The following CCDC171 variants were observed in gnomAD, a reference collection of about 807,000 sequenced individuals.
The protein encoded by CCDC171 is coiled-coil domain-containing protein 171.
In CCDC171, 177 loss-of-function variants were observed where a neutral mutation model predicts 168.2. The ratio of observed to expected loss-of-function variants is 1.05; its 90% CI spans 0.93 to 1.19. CCDC171 has a LOEUF of 1.19. Among genes scored for constraint, CCDC171 ranks in the 50% most tolerant of loss-of-function variants. The pLI is 0.00. For missense variants in CCDC171, 1,991 were observed against 1,539.0 expected (o/e 1.29, Z -4.91); for synonymous variants, 687 against 540.8 (o/e 1.27, Z -3.75).
intron 11 of CCDC171, among the ~76,000 whole-genome samples, chr9:15,711,323 T>C (rs982431501): frequency 2.0e-4 from 31 of 152,212 alleles, no homozygotes; most frequent in African/African-American, 6.3e-4. Context: ...AAATTCTTCA[T>C]CTTGTACACT....
At chr9:16,102,508 G>A in the CCDC171 span, among the ~76,000 whole-genome samples, 1 of 135,128 alleles carries the variant, frequency 7.4e-6, no homozygotes, top group Non-Finnish European at 1.6e-5. Flanking sequence ...CGGGGGTGGG[G>A]GCAGGGGGGA....
At position 15,762,857 on chromosome 9, in the gene CCDC171, C is replaced by G. The variant is rs934635324; in HGVS notation, c.2672-14743C>G. ...CTCTGTCCCTTTAGTTTTTTCTGTTCAAGAATTTCATAAATTTTATAAAAA... is the reference window on the plus strand; with the variant it reads ...CTCTGTCCCTTTAGTTTTTTCTGTTGAAGAATTTCATAAATTTTATAAAAA... On this transcript the variant is annotated intron_variant, in intron 18 of 25. Transcript: ENST00000380701. Among the ~76,000 whole-genome samples the G allele has an allele frequency of 3.9e-5, 6 of 152,202 alleles. No homozygotes were observed. The East Asian group carries it at 9.6e-4, about 24-fold the overall frequency.
At chr9:15,906,963 C>G (rs995572624) in intron 24 of CCDC171, among the ~76,000 whole-genome samples, 3 of 151,846 alleles carry the variant, frequency 2.0e-5, no homozygotes, top group African/African-American at 4.8e-5. Flanking sequence ...TGTGAAGGAC[C>G]TCTTCAAGGA....
chr9:15,667,584 T>G (rs1420259963), intron 9 of CCDC171, among the ~76,000 whole-genome samples: 3 of 152,056 alleles, frequency 2.0e-5, no homozygotes, highest in Non-Finnish European at 4.4e-5. Context: ...AGGCAGAGGT[T>G]GCAGTGAGCT....
intron 7 of CCDC171, among the ~76,000 whole-genome samples, chr9:15,639,142 C>A (rs1406913344): frequency 6.6e-6 from 1 of 151,994 alleles, no homozygotes. Context: ...TTTTACCTTT[C>A]ATAATTGTTG....
chr9:15,778,425 G>C (rs1309629247), intron 19 of CCDC171, among the ~76,000 whole-genome samples: 1 of 148,576 alleles, frequency 6.7e-6, no homozygotes, highest in Non-Finnish European at 1.5e-5. Context: ...GATCACCTGA[G>C]GTCAGGAGTT....
chr9:15,923,332 C>T (rs376825623), intron 25 of CCDC171, among the ~76,000 whole-genome samples: 140 of 151,184 alleles, frequency 9.3e-4, no homozygotes, highest in Non-Finnish European at 1.4e-3. Context: ...TAAAAAAGAA[C>T]GAAATCTTGT....
At chr9:15,856,702 C>T (rs1414453221) in intron 23 of CCDC171, among the ~76,000 whole-genome samples, 1 of 151,852 alleles carries the variant, frequency 6.6e-6, no homozygotes, top group Non-Finnish European at 1.5e-5. Context: ...TCTTATTGCC[C>T]TTCTTTTAGA....
chr9:15,580,993 C>G (rs1261556849), intron 4 of CCDC171, among the ~76,000 whole-genome samples: 2 of 152,192 alleles, frequency 1.3e-5, no homozygotes, highest in Non-Finnish European at 2.9e-5. Flanking sequence ...GTCACATTGT[C>G]TCTGTTTGCA....
chr9:15,585,607 A>G (rs1004751933), intron 4 of CCDC171, among the ~76,000 whole-genome samples: 3 of 152,210 alleles, frequency 2.0e-5, no homozygotes, highest in African/African-American at 7.2e-5. Context: ...TTTGACTGGG[A>G]AAGAGTATGA....
At chr9:16,080,761 T>TGTG in the CCDC171 span, among the ~76,000 whole-genome samples, 1 of 152,190 alleles carries the variant, frequency 6.6e-6, no homozygotes, top group African/African-American at 2.4e-5. Flanking sequence ...GTAGAAATAC[T>TGTG]GTGTCCCAAA....
chr9:15,907,790 A>G (rs541345185), intron 24 of CCDC171, among the ~76,000 whole-genome samples: 3 of 152,364 alleles, frequency 2.0e-5, no homozygotes, highest in South Asian at 2.1e-4. Context: ...AGAATCTACC[A>G]TGAACTCCAA....
chr9:15,744,847 A>G (rs1313811061), intron 17 of CCDC171, 70 bp downstream of exon 17: 6 of 1,436,710 alleles, frequency 4.2e-6, no homozygotes, highest in Non-Finnish European at 5.6e-6. Flanking sequence ...ATACCTGGCT[A>G]TTATGGAAAA....
At chr9:16,045,282 C>T (rs903989253) in intron 1 of CCDC171, among the ~76,000 whole-genome samples, 10 of 152,126 alleles carry the variant, frequency 6.6e-5, no homozygotes, top group African/African-American at 2.4e-4. Flanking sequence ...AGGAGGCCAC[C>T]AAAGGGAACC....
chr9:15,942,767 A>G (rs2987070), intron 25 of CCDC171, among the ~76,000 whole-genome samples: 66,363 of 151,710 alleles, frequency 0.44, 14,984 homozygotes, highest in African/African-American at 0.52. Context: ...CCATATCCTT[A>G]AGAAGAAAAT....
chr9:15,854,303 C>T (rs554484497), intron 23 of CCDC171, among the ~76,000 whole-genome samples: 1 of 151,170 alleles, frequency 6.6e-6, no homozygotes, highest in East Asian at 1.9e-4. Context: ...TTTTGTGTTT[C>T]TTTTTCAGTC....
the CCDC171 span, among the ~76,000 whole-genome samples, chr9:16,068,443 C>G: frequency 5.3e-5 from 8 of 152,204 alleles, no homozygotes. Context: ...TCTTCTTCCT[C>G]TTTTTCTATG....
chr9:15,784,339 A>G (rs1455977115), intron 20 of CCDC171, among the ~76,000 whole-genome samples, 170 bp from the exon 21 acceptor site: 2 of 152,290 alleles, frequency 1.3e-5, no homozygotes, highest in African/African-American at 4.8e-5. Flanking sequence ...TTTAAAAATC[A>G]CAGTAGTATT....
chr9:15,600,046 C>A (rs981955789), intron 6 of CCDC171, among the ~76,000 whole-genome samples: 1 of 152,108 alleles, frequency 6.6e-6, no homozygotes, highest in Non-Finnish European at 1.5e-5. Context: ...GTTAGCCATT[C>A]GTCTAATCTT....
Sources: gnomAD v4.1 joint callset for allele counts (sites outside exome capture counted in the v4.1 genomes callset) on GRCh38, gnomAD v4.1.1 for gene constraint, MANE v1.5 for transcripts, NCBI Gene and HGNC (gene_info 2026-07-23, HGNC 2026-07-21) for gene names.